The following GCM1 variants were observed in gnomAD, a reference collection of about 807,000 sequenced individuals.
GCM1 encodes the protein GCM transcription factor 1.
Under a neutral mutation model 25.7 loss-of-function variants are expected in GCM1, and 2 were observed. That is an observed-to-expected ratio of 0.08 (90% CI 0.03 to 0.24). The LOEUF (loss-of-function observed/expected upper bound fraction) is 0.24. Ranked by LOEUF, GCM1 falls within the 10% of genes least tolerant of loss-of-function variation. GCM1 has a pLI of 1.00. For missense variants in GCM1, 395 were observed against 538.7 expected (o/e 0.73, Z 2.64); for synonymous variants, 183 against 195.7 (o/e 0.94, Z 0.54).
chr6:53,128,028 C>CAAAAA lies in GCM1; in HGVS notation c.*173_*177dup, dbSNP rs1223691364. 1,750 of 65,844 alleles carry CAAAAA rather than the reference C, an allele frequency of 0.027. 37 individuals are homozygous for CAAAAA. The highest frequency in any genetic ancestry group is 0.05 in the South Asian group (225 of 4,498). The allele number at this position is 65,844 out of a possible 1,614,324, so 4.1% of individuals were successfully genotyped here. ...TGGGCAAAAGAGCAAGACTCTGTCTCAAAAAAAAAAAAAAAAAAAAAAAAA... is the reference window on the plus strand; with the variant it reads ...TGGGCAAAAGAGCAAGACTCTGTCTCAAAAAAAAAAAAAAAAAAAAAAAAAAAAAA... On this transcript the variant is annotated 3_prime_UTR_variant, in exon 6 of 6. Transcript: ENST00000259803.
chr6:53,142,169 A>G (rs1763885580), intron 2 of GCM1, among the ~76,000 whole-genome samples: 1 of 152,080 alleles, frequency 6.6e-6, no homozygotes, highest in African/African-American at 2.4e-5. Context: ...TGGCAAGAAT[A>G]TAAAATTATG....
chr6:53,143,550 A>G (rs887773011), intron 2 of GCM1, among the ~76,000 whole-genome samples: 1 of 152,142 alleles, frequency 6.6e-6, no homozygotes, highest in Non-Finnish European at 1.5e-5. Flanking sequence ...TCCAACTTCT[A>G]TTTGGGTGTT....
chr6:53,131,949 GCCTCTGGTGAAACT>G, intron 4 of GCM1, 44 bp downstream of exon 4: 1 of 948,740 alleles, frequency 1.1e-6, no homozygotes, highest in Non-Finnish European at 1.7e-6. Flanking sequence ...TGCATTTCTA[GCCTCTGGTGAAACT>G]CCTCAGTAAT....
intron 3 of GCM1, among the ~76,000 whole-genome samples, chr6:53,133,686 G>A (rs1763757905): frequency 6.6e-6 from 1 of 151,992 alleles, no homozygotes. Flanking sequence ...AGGGGTTGGG[G>A]TCTTCTTATG....
chr6:53,130,958 G>A (rs1763716245), intron 4 of GCM1, 27 bp from the exon 5 acceptor site: 1 of 1,601,610 alleles, frequency 6.2e-7, no homozygotes, highest in East Asian at 2.2e-5. Flanking sequence ...AAGTAGAAAG[G>A]AAATGATATA....
chr6:53,144,403 A>AG (rs1763923575), intron 2 of GCM1, among the ~76,000 whole-genome samples: 2 of 150,328 alleles, frequency 1.3e-5, no homozygotes, highest in Middle Eastern at 3.4e-3. Context: ...CTGGCCCAGG[A>AG]GACCAGGCAA....
intron 1 of GCM1, among the ~76,000 whole-genome samples, chr6:53,145,973 G>A (rs1168680311): frequency 1.3e-5 from 2 of 151,958 alleles, no homozygotes; most frequent in African/African-American, 4.8e-5. Context: ...TTTCACCCTT[G>A]GGTTTGGGCT....
intron 5 of GCM1, 58 bp downstream of exon 5, chr6:53,130,745 C>T (rs1581848960): frequency 3.4e-6 from 5 of 1,483,670 alleles, no homozygotes; most frequent in Non-Finnish European, 3.7e-6. Flanking sequence ...AATCTACCGC[C>T]CCCAGCACAG....
intron 5 of GCM1, among the ~76,000 whole-genome samples, chr6:53,129,269 ATTCT>A (rs1158153618): frequency 9.4e-6 from 1 of 106,550 alleles, no homozygotes; most frequent in Non-Finnish European, 1.7e-5. Flanking sequence ...CTTTTTATTT[ATTCT>A]TTTTTTTTTT....
At chr6:53,132,998 G>A (rs1270420984) in intron 3 of GCM1, among the ~76,000 whole-genome samples, 1 of 152,172 alleles carries the variant, frequency 6.6e-6, no homozygotes, top group Non-Finnish European at 1.5e-5. Context: ...ATTATGATGT[G>A]AACCTAAATG....
chr6:53,136,546 A>G (rs1040626012), intron 2 of GCM1, among the ~76,000 whole-genome samples: 3 of 152,174 alleles, frequency 2.0e-5, no homozygotes, highest in African/African-American at 7.2e-5. Flanking sequence ...CTCAATGTTA[A>G]CTGTTATTCT....
intron 3 of GCM1, among the ~76,000 whole-genome samples, chr6:53,133,165 G>T (rs1310148960): frequency 6.6e-6 from 1 of 152,136 alleles, no homozygotes; most frequent in Non-Finnish European, 1.5e-5. Flanking sequence ...AACCCCTGAA[G>T]GGATACATTT....
intron 1 of GCM1, 31 bp from the exon 2 acceptor site, chr6:53,145,799 A>G (rs886748620): frequency 4.1e-5 from 21 of 514,212 alleles, no homozygotes; most frequent in Admixed American, 8.1e-5. Flanking sequence ...AGTATTGGCC[A>G]TTAAAGAGAT....
chr6:53,136,803 C>T (rs1763805662), intron 2 of GCM1, among the ~76,000 whole-genome samples: 3 of 152,024 alleles, frequency 2.0e-5, no homozygotes, highest in African/African-American at 2.4e-5. Flanking sequence ...GGCAAAACCC[C>T]GTCTCTACTA....
At chr6:53,146,508 C>A (rs1455172054) in intron 1 of GCM1, among the ~76,000 whole-genome samples, 1 of 152,102 alleles carries the variant, frequency 6.6e-6, no homozygotes, top group Non-Finnish European at 1.5e-5. Context: ...GCGTGAGCCA[C>A]CGCACCCGGC....
In GCM1 at chr6:53,128,260, C is replaced by G. The variant is rs1390853768; in HGVS notation, c.1257G>C (p.Leu419Phe). ...KWDFEEEMTY[L>F]GLDHCNNDML... ...TATCATTGTTGCAGTGATCCAAACC[C>G]AAGTATGTCATTTCTTCCTCAAAAT... Residue 419 changes from leucine (L) to phenylalanine (F), a missense_variant, in exon 6 of 6, where the codon TTG becomes TTC. Physicochemically the swap from Leu to Phe is conservative, Grantham distance 22 (BLOSUM62 0). Coordinates refer to ENST00000259803, the MANE Select transcript of GCM1 (RefSeq NM_003643.4). 1 of 1,613,042 alleles carries G rather than the reference C, an allele frequency of 6.2e-7. No individual in the cohort carries two copies. Among genetic ancestry groups the G allele is most frequent in the South Asian group, 1.1e-5 (1 of 91,076 alleles).
At chr6:53,134,563 C>T (rs1400420989) in intron 2 of GCM1, among the ~76,000 whole-genome samples, 1 of 152,222 alleles carries the variant, frequency 6.6e-6, no homozygotes, top group East Asian at 1.9e-4. Context: ...ATGATAGCCC[C>T]TGTGAGTTCC....
At chr6:53,146,187 A>G (rs1029653161) in intron 1 of GCM1, among the ~76,000 whole-genome samples, 2 of 135,998 alleles carry the variant, frequency 1.5e-5, no homozygotes, top group Admixed American at 7.8e-5. Flanking sequence ...GAAAATACAT[A>G]TATGTTTTAT....
intron 5 of GCM1, 55 bp from the exon 6 acceptor site, chr6:53,129,001 G>A: frequency 7.0e-7 from 1 of 1,423,698 alleles, no homozygotes; most frequent in Non-Finnish European, 9.7e-7. Context: ...CAAAACCACT[G>A]CCATAGGCAC....
Sources: allele counts gnomAD v4.1 joint callset (sites outside exome capture counted in the v4.1 genomes callset), GRCh38; gene constraint gnomAD v4.1.1; transcripts MANE v1.5; gene names NCBI Gene and HGNC (gene_info 2026-07-23, HGNC 2026-07-21).